PCDHA3: variants seen among roughly 807,000 people sequenced by gnomAD.
The protein encoded by PCDHA3 is protocadherin alpha 3.
In PCDHA3, 41 loss-of-function variants were observed where a neutral mutation model predicts 62.2. The ratio of observed to expected loss-of-function variants is 0.66; its 90% CI spans 0.51 to 0.86. The LOEUF (loss-of-function observed/expected upper bound fraction) is 0.86. Ranked by LOEUF, PCDHA3 falls within the 40% of genes least tolerant of loss-of-function variation. PCDHA3 has a pLI of 0.00. For synonymous variants in PCDHA3, 640 were observed against 555.4 expected (o/e 1.15, Z -2.14); for missense variants, 1,304 against 1,241.2 (o/e 1.05, Z -0.76).
chr5:140,991,733 A>T (rs1360500460), intron 3 of PCDHA3, among the ~76,000 whole-genome samples: 1 of 152,136 alleles, frequency 6.6e-6, no homozygotes, highest in African/African-American at 2.4e-5. Flanking sequence ...TGTTCAAGGT[A>T]ATGTAGGCTC....
intron 1 of PCDHA3, chr5:140,884,066 G>T (rs2059975136): frequency 6.2e-7 from 1 of 1,613,514 alleles, no homozygotes; most frequent in Non-Finnish European, 8.5e-7. Context: ...GGTGGACGCC[G>T]ATTCGGGCTA....
In PCDHA3 at chr5:141,010,289, C is replaced by G. The variant is rs2098416832; in HGVS notation, c.*352C>G. The G allele has an allele frequency of 4.5e-6, 7 of 1,550,274 alleles. No homozygotes were observed. The highest frequency in any genetic ancestry group is 3.9e-5 in the Admixed American group (2 of 50,654). ...GGGGATCCTGTCTTGATGACACTTG[C>G]AGGGCAGGCTGAAAAGTTTTGAGAT... On this transcript the variant is annotated 3_prime_UTR_variant, in exon 4 of 4. Transcript: ENST00000522353.
chr5:140,924,876 C>G (rs1380631161), intron 1 of PCDHA3, among the ~76,000 whole-genome samples: 1 of 144,704 alleles, frequency 6.9e-6, no homozygotes, highest in Non-Finnish European at 1.5e-5. Flanking sequence ...GCCTGGGTGA[C>G]AGAGCAAGAA....
At chr5:140,959,570 T>C (rs1324858058) in intron 1 of PCDHA3, among the ~76,000 whole-genome samples, 1 of 152,184 alleles carries the variant, frequency 6.6e-6, no homozygotes. Context: ...ACTAGATTTT[T>C]TGTTTCAATT....
chr5:140,881,909 G>T (rs941994896), intron 1 of PCDHA3: 6 of 230,500 alleles, frequency 2.6e-5, no homozygotes, highest in Non-Finnish European at 5.1e-5. Context: ...AATATAAAAT[G>T]TTGAGCAGAA....
chr5:140,821,784 T>C, intron 1 of PCDHA3: 1 of 1,611,044 alleles, frequency 6.2e-7, no homozygotes, highest in Non-Finnish European at 8.5e-7. Flanking sequence ...AGATGGTATA[T>C]TCCCGGAGAG....
intron 1 of PCDHA3, chr5:140,809,123 C>G: frequency 6.2e-7 from 1 of 1,613,998 alleles, no homozygotes; most frequent in Non-Finnish European, 8.5e-7. Context: ...TCCGCGCCAC[C>G]GCCTACTGGT....
At chr5:140,966,663 A>C in intron 1 of PCDHA3, 1 of 1,237,556 alleles carries the variant, frequency 8.1e-7, no homozygotes, top group East Asian at 3.0e-5. Context: ...GTGGGGGAGC[A>C]GGCGCAGGGT....
chr5:140,989,758 T>C (rs1554251084), intron 3 of PCDHA3, among the ~76,000 whole-genome samples: 1 of 152,188 alleles, frequency 6.6e-6, no homozygotes, highest in African/African-American at 2.4e-5. Flanking sequence ...GAGAAACATA[T>C]TCAGTTCAAG....
rs1762832590 is a variant in PCDHA3 at position 140,802,031 on chromosome 5, G to A, written c.834G>A (p.Ala278=). ...DLDEGVNKDI[A]YSFNTDMSAD... is the part of the protein sequence containing the mutation. ...ATGAAGGAGTAAATAAGGATATCGC[G>A]TATTCTTTCAATACGGACATGTCAG... is the stretch of plus-strand genomic sequence containing the variant. Residue 278 remains alanine, a synonymous_variant, in exon 1 of 4, where the codon GCG becomes GCA. Coordinates refer to ENST00000522353, the MANE Select transcript of PCDHA3 (RefSeq NM_018906.3). 1.2e-6 allele frequency: 2 copies of A among 1,614,152 alleles called. No individual in the cohort carries two copies. Among genetic ancestry groups the A allele is most frequent in the Non-Finnish European group, 1.7e-6 (2 of 1,180,032 alleles).
At chr5:140,849,211 C>G (rs2040817305) in intron 1 of PCDHA3, 1 of 1,031,974 alleles carries the variant, frequency 9.7e-7, no homozygotes, top group East Asian at 2.6e-5. Flanking sequence ...AATGACAATG[C>G]CCCAGTGTTC....
intron 1 of PCDHA3, chr5:140,809,989 CA>C (rs1431983915): frequency 6.4e-6 from 1 of 157,120 alleles, no homozygotes; most frequent in Non-Finnish European, 1.4e-5. Context: ...ATGCACCTGC[CA>C]AATCACTTCC....
chr5:140,836,495 C>A (rs1318424263), intron 1 of PCDHA3: 4 of 1,613,766 alleles, frequency 2.5e-6, no homozygotes, highest in South Asian at 2.2e-5. Context: ...TCATCGCCAT[C>A]TGCGCGGTGT....
intron 1 of PCDHA3, chr5:140,822,298 G>C (rs2150115321): frequency 6.2e-7 from 1 of 1,614,222 alleles, no homozygotes; most frequent in South Asian, 1.1e-5. Flanking sequence ...AAATCCAAAC[G>C]AATATTTTGA....
At chr5:140,838,332 C>T (rs1177546709) in intron 1 of PCDHA3, among the ~76,000 whole-genome samples, 2 of 149,836 alleles carry the variant, frequency 1.3e-5, no homozygotes, top group African/African-American at 2.5e-5. Flanking sequence ...CCATGTTGCC[C>T]CGGCTGGTCT....
chr5:140,890,931 C>T (rs2062870447), intron 1 of PCDHA3, among the ~76,000 whole-genome samples: 1 of 152,090 alleles, frequency 6.6e-6, no homozygotes, highest in Admixed American at 6.6e-5. Context: ...TTCCTTTAGT[C>T]CAAAGATGCT....
chr5:140,823,628 G>C (rs1434058728), intron 1 of PCDHA3: 10 of 1,613,936 alleles, frequency 6.2e-6, no homozygotes, highest in Non-Finnish European at 8.5e-6. Flanking sequence ...GGCAGTGCGC[G>C]CATCCCGTTC....
chr5:140,856,140 A>G lies in PCDHA3; in HGVS notation c.2394+52549A>G, dbSNP rs782672623. Reference sequence around the variant, plus strand: ...TGGGAGGTGGGGAGCGGCCAGCTCCACTACTCAGTCTACGAGGAGGCCAGA... The same window carrying G: ...TGGGAGGTGGGGAGCGGCCAGCTCCGCTACTCAGTCTACGAGGAGGCCAGA... On this transcript the variant is annotated intron_variant, in intron 1 of 3. Transcript: ENST00000522353. 4.4e-6 allele frequency: 7 copies of G among 1,598,030 alleles called. 1 individual carries two copies. The African/African-American group carries it at 8.1e-5, about 18-fold the overall frequency.
chr5:140,814,452 T>G (rs2126655558), intron 1 of PCDHA3: 22 of 151,548 alleles, frequency 1.5e-4, no homozygotes, highest in Non-Finnish European at 2.9e-4. Flanking sequence ...CTTTTTTCTT[T>G]TTTTTTTTTG....
Sources: gnomAD v4.1 joint callset for allele counts (sites outside exome capture counted in the v4.1 genomes callset) on GRCh38, gnomAD v4.1.1 for gene constraint, MANE v1.5 for transcripts, NCBI Gene and HGNC (gene_info 2026-07-23, HGNC 2026-07-21) for gene names.